Variants in KYNU observed in about 807,000 individuals in gnomAD.
KYNU encodes the protein L-kynurenine hydrolase.
KYNU carries 54 observed loss-of-function variants against 59.2 expected under a neutral mutation model. The observed-to-expected ratio is 0.91, with a 90% CI of 0.73 to 1.14. KYNU has a LOEUF of 1.14. Ranked by LOEUF, KYNU falls within the 50% of genes most tolerant of loss-of-function variation. KYNU has a pLI of 0.00. For missense variants in KYNU, 567 were observed against 554.4 expected, an observed-to-expected ratio of 1.02 and a Z score of -0.23; for synonymous variants, 177 against 192.0, an observed-to-expected ratio of 0.92 and a Z score of 0.65.
intron 1 of KYNU, among the ~76,000 whole-genome samples, chr2:142,881,093 G>A (rs2278587): frequency 0.11 from 16,175 of 152,230 alleles, 1,264 homozygotes; most frequent in East Asian, 0.22. Flanking sequence ...GGTCTTTGAA[G>A]GTTGGCTAGA....
chr2:142,932,211 C>A (rs1683243847), intron 4 of KYNU, among the ~76,000 whole-genome samples: 1 of 152,078 alleles, frequency 6.6e-6, no homozygotes, highest in African/African-American at 2.4e-5. Flanking sequence ...AGGTTTGTAA[C>A]CGACATGGAA....
chr2:143,020,876 C>T (rs755171744), intron 10 of KYNU, among the ~76,000 whole-genome samples: 1 of 152,170 alleles, frequency 6.6e-6, no homozygotes, highest in Non-Finnish European at 1.5e-5. Flanking sequence ...TTTATTTTCA[C>T]AGAGGTGCAT....
chr2:143,035,248 C>T (rs1216828852), intron 12 of KYNU, among the ~76,000 whole-genome samples: 2 of 152,148 alleles, frequency 1.3e-5, no homozygotes, highest in Admixed American at 6.5e-5. Context: ...CAGTCAATAT[C>T]TAAACTTAAA....
chr2:142,929,526 T>C (rs1184492006), intron 4 of KYNU, among the ~76,000 whole-genome samples: 1 of 152,106 alleles, frequency 6.6e-6, no homozygotes, highest in African/African-American at 2.4e-5. Context: ...GAGCCAAATA[T>C]GAGTGGTCAT....
rs1478067181 is a variant in KYNU at position 142,972,813 on chromosome 2, T to TATATAGAGAG, written c.729+12044_729+12045insTATAGAGAGA. ...GGCCATATATATATATATATATATATAGAGAGAGAGAGAGAGAGAGAGAGA... is the reference window on the plus strand; with the variant it reads ...GGCCATATATATATATATATATATATATATAGAGAGAGAGAGAGAGAGAGAGAGAGAGAGA... On this transcript the variant is annotated intron_variant, in intron 8 of 13. Transcript: ENST00000264170. 3.1e-3 allele frequency among the ~76,000 whole-genome samples: 385 copies of TATATAGAGAG among 124,196 alleles called. 2 individuals carry two copies. The highest frequency in any genetic ancestry group is 8.7e-3 in the Middle Eastern group (2 of 230). The allele number at this position is 124,196 out of a possible 152,430, so 81.5% of individuals were successfully genotyped here. A position where few individuals can be genotyped will look rare whatever the true frequency, so the allele number is the denominator to read the frequency against.
At chr2:143,012,769 A>T (rs1446939285) in intron 10 of KYNU, among the ~76,000 whole-genome samples, 1 of 152,072 alleles carries the variant, frequency 6.6e-6, no homozygotes, top group Non-Finnish European at 1.5e-5. Context: ...TGTACTACCC[A>T]TAGTCCTCAT....
At chr2:142,907,634 G>A (rs1043782309) in intron 2 of KYNU, among the ~76,000 whole-genome samples, 1 of 152,182 alleles carries the variant, frequency 6.6e-6, no homozygotes, top group Non-Finnish European at 1.5e-5. Flanking sequence ...GGACCCAAAG[G>A]GGGTTGCCAC....
rs539312155 is a variant in KYNU at position 142,929,082 on chromosome 2, T to C, written c.373+1341T>C. Among the ~76,000 whole-genome samples, 31 of 145,974 alleles carry C rather than the reference T, an allele frequency of 2.1e-4. No homozygotes were observed. In the South Asian group the frequency reaches 6.7e-3, roughly 32 times the overall value. ...CTCATAGACTGCCAGTAAAGGAAGA[T>C]GCAAATAAATCCAAAATTAATGTAC... On this transcript the variant is annotated intron_variant, in intron 4 of 13. Transcript: ENST00000264170.
rs72849129 is a variant in KYNU at position 142,975,930 on chromosome 2, C to T, written c.730-9154C>T. ...GTTGTGCACACTTTTCTCATGATAC[C>T]CATTTTTTGATTCAGAACACTCCCT... On this transcript the variant is annotated intron_variant, in intron 8 of 13. Transcript: ENST00000264170. Among the ~76,000 whole-genome samples the T allele has an allele frequency of 2.7e-3, 414 of 152,148 alleles. 1 individual carries two copies. The highest frequency in any genetic ancestry group is 6.8e-3 in the Middle Eastern group (2 of 294).
At chr2:142,965,737 G>T (rs1374247343) in intron 8 of KYNU, among the ~76,000 whole-genome samples, 1 of 152,070 alleles carries the variant, frequency 6.6e-6, no homozygotes, top group Non-Finnish European at 1.5e-5. Flanking sequence ...GCATGAGTAA[G>T]GAAATATTTC....
intron 10 of KYNU, among the ~76,000 whole-genome samples, chr2:143,020,842 T>G (rs1207459398): frequency 6.6e-6 from 1 of 152,348 alleles, no homozygotes; most frequent in African/African-American, 2.4e-5. Context: ...TGTTTATCTT[T>G]ATAACTTTGG....
intron 4 of KYNU, chr2:142,947,095 G>A (rs184781359): frequency 5.2e-5 from 80 of 1,550,974 alleles, no homozygotes; most frequent in African/African-American, 4.6e-4. Context: ...ATGTCCTTTT[G>A]TTGCTTTTTT....
In KYNU at chr2:142,960,767, G is replaced by A. The variant is rs762765056; in HGVS notation, c.726G>A (p.Ala242=). 2.6e-5 allele frequency: 42 copies of A among 1,613,714 alleles called. No homozygotes were observed. The highest frequency in any genetic ancestry group is 9.4e-5 in the African/African-American group (7 of 74,832). The change falls in exon 8 of 14, where the codon GCG becomes GCA. Residue 242 remains alanine, a synonymous_variant. Transcript: ENST00000264170. ...CTGCCATCACAAAAGCTGGACAAGC[G>A]AAGGTATGCACGCCATTTACTTCTT... ...NIPAITKAGQ[A]KGCYVGFDLA... is the part of the protein sequence containing the mutation.
intron 10 of KYNU, among the ~76,000 whole-genome samples, chr2:143,016,013 C>G (rs1686236930): frequency 6.6e-6 from 1 of 152,100 alleles, no homozygotes; most frequent in Non-Finnish European, 1.5e-5. Context: ...CTTTTTTTCT[C>G]CAGACTGTTC....
intron 10 of KYNU, chr2:142,989,575 A>G (rs1685330571): frequency 1.3e-6 from 1 of 758,110 alleles, no homozygotes; most frequent in Admixed American, 6.3e-5. Context: ...CTCTTTAACA[A>G]GTATTTTGAA....
intron 2 of KYNU, among the ~76,000 whole-genome samples, chr2:142,896,816 A>G (rs2104935851): frequency 6.6e-6 from 1 of 152,262 alleles, no homozygotes; most frequent in South Asian, 2.1e-4. Flanking sequence ...TCAGCGTACA[A>G]GTTGTTTGTT....
chr2:142,942,650 T>A (rs148731226), intron 4 of KYNU, among the ~76,000 whole-genome samples: 2 of 152,194 alleles, frequency 1.3e-5, no homozygotes, highest in African/African-American at 4.8e-5. Flanking sequence ...CAAGGCAAAT[T>A]TTAGAGCAGG....
intron 10 of KYNU, among the ~76,000 whole-genome samples, chr2:143,013,725 TC>T (rs1299078553): frequency 6.6e-5 from 10 of 152,194 alleles, no homozygotes; most frequent in Admixed American, 1.3e-4. Context: ...GAGTTTAAGT[TC>T]TGTTGGTTCA....
chr2:142,893,965 G>A (rs1041372707), intron 2 of KYNU, among the ~76,000 whole-genome samples: 1 of 152,120 alleles, frequency 6.6e-6, no homozygotes, highest in African/African-American at 2.4e-5. Flanking sequence ...CAGGACAAAG[G>A]ACTGGGAATA....
Sources: allele counts gnomAD v4.1 joint callset (sites outside exome capture counted in the v4.1 genomes callset), GRCh38; gene constraint gnomAD v4.1.1; transcripts MANE v1.5; gene names NCBI Gene and HGNC (gene_info 2026-07-23, HGNC 2026-07-21).